The following CCDC192 variants were observed in gnomAD, a reference collection of about 807,000 sequenced individuals.
The protein encoded by CCDC192 is coiled-coil domain containing 192.
At chr5:127,818,653 C>T (rs1749141060) in intron 5 of CCDC192, among the ~76,000 whole-genome samples, 1 of 152,110 alleles carries the variant, frequency 6.6e-6, no homozygotes, top group East Asian at 1.9e-4. Context: ...GGAGACTGCT[C>T]CAAGAAGCCA....
At chr5:127,784,348 C>T (rs2126939857) in intron 3 of CCDC192, among the ~76,000 whole-genome samples, 1 of 152,300 alleles carries the variant, frequency 6.6e-6, no homozygotes, top group Admixed American at 6.5e-5. Context: ...AATGCAGTAG[C>T]ATGCAGCCTT....
intron 5 of CCDC192, among the ~76,000 whole-genome samples, chr5:127,811,906 T>C (rs1758104581): frequency 6.6e-6 from 1 of 152,180 alleles, no homozygotes; most frequent in South Asian, 2.1e-4. Flanking sequence ...CCCCAGTAAA[T>C]TGGATGAGTT....
chr5:127,863,132 A>C (rs555141646), intron 5 of CCDC192, among the ~76,000 whole-genome samples: 1 of 152,226 alleles, frequency 6.6e-6, no homozygotes, highest in Non-Finnish European at 1.5e-5. Flanking sequence ...AGAGAATGAA[A>C]TTTATAATTA....
intron 2 of CCDC192, among the ~76,000 whole-genome samples, chr5:127,736,333 G>A (rs1301751818): frequency 6.8e-6 from 1 of 146,564 alleles, no homozygotes; most frequent in African/African-American, 2.6e-5. Context: ...CGTTTTGCCA[G>A]TATTTTATTG....
intron 2 of CCDC192, among the ~76,000 whole-genome samples, chr5:127,737,366 G>C (rs1753082054): frequency 6.6e-6 from 1 of 152,014 alleles, no homozygotes; most frequent in Admixed American, 6.5e-5. Flanking sequence ...GGTCAGTTTT[G>C]GAATAGATGT....
intron 6 of CCDC192, among the ~76,000 whole-genome samples, chr5:127,902,778 C>A (rs932960479): frequency 6.6e-6 from 1 of 152,196 alleles, no homozygotes; most frequent in Non-Finnish European, 1.5e-5. Flanking sequence ...AACGATGACA[C>A]CAGTTACTCT....
intron 3 of CCDC192, chr5:127,785,060 A>T (rs1464132): frequency 0.77 from 388,863 of 501,984 alleles, 151,238 homozygotes; most frequent in East Asian, 0.9. Flanking sequence ...ATTTGAGTGC[A>T]ATCAGTCAGC....
intron 2 of CCDC192, among the ~76,000 whole-genome samples, chr5:127,739,366 G>T (rs1753253702): frequency 6.6e-6 from 1 of 152,160 alleles, no homozygotes; most frequent in Non-Finnish European, 1.5e-5. Context: ...GTCTGCAGAG[G>T]TTACTGCTGT....
intron 3 of CCDC192, among the ~76,000 whole-genome samples, chr5:127,769,165 G>T (rs1436637620): frequency 6.6e-6 from 1 of 152,164 alleles, no homozygotes; most frequent in African/African-American, 2.4e-5. Flanking sequence ...GAGATAAATA[G>T]GAAATTCACA....
At chr5:127,891,303 C>G (rs377196629) in intron 6 of CCDC192, among the ~76,000 whole-genome samples, 23 of 152,220 alleles carry the variant, frequency 1.5e-4, no homozygotes, top group African/African-American at 5.1e-4. Flanking sequence ...ATCCGCCTGC[C>G]TTGGCCTCCC....
intron 3 of CCDC192, among the ~76,000 whole-genome samples, chr5:127,783,875 C>T (rs1756385471): frequency 6.6e-6 from 1 of 152,140 alleles, no homozygotes. Flanking sequence ...GGCCTTTTAC[C>T]ATCATATAAT....
intron 3 of CCDC192, among the ~76,000 whole-genome samples, chr5:127,771,092 TAG>T (rs1160218727): frequency 1.3e-5 from 2 of 152,228 alleles, no homozygotes; most frequent in Non-Finnish European, 2.9e-5. Flanking sequence ...TATGATCTAA[TAG>T]AGTCTTTTTT....
Position 127,856,349 on chromosome 5 carries a change from C to T in CCDC192, c.412-19189C>T, listed in dbSNP as rs147662566. Among the ~76,000 whole-genome samples, 312 of 152,338 alleles carry T rather than the reference C, an allele frequency of 2.0e-3. 2 individuals carry two copies. The highest frequency in any genetic ancestry group is 3.5e-3 in the Non-Finnish European group (239 of 68,036). On this transcript the variant is annotated intron_variant, in intron 5 of 6. Coordinates refer to ENST00000514853, the MANE Select transcript of CCDC192 (RefSeq NM_001317938.2). ...TCTCAGCCTTCCTAGAATTGAAGAA[C>T]ATTAGGACCTTGCTTTGGATTAGAC...
intron 3 of CCDC192, among the ~76,000 whole-genome samples, chr5:127,783,448 T>A (rs375516172): frequency 8.8e-4 from 134 of 152,304 alleles, no homozygotes; most frequent in African/African-American, 2.9e-3. Flanking sequence ...TCTTTTGGAG[T>A]TGATTTTCAG....
At chr5:127,719,524 T>TATATAC (rs1561444898) in intron 2 of CCDC192, among the ~76,000 whole-genome samples, 1 of 88,218 alleles carries the variant, frequency 1.1e-5, no homozygotes, top group East Asian at 3.2e-4. Context: ...TATATATATA[T>TATATAC]ACACACATAC....
chr5:127,729,189 G>A (rs781145735), intron 2 of CCDC192, among the ~76,000 whole-genome samples: 42 of 152,036 alleles, frequency 2.8e-4, no homozygotes, highest in Non-Finnish European at 4.7e-4. Context: ...ATACAGGCAT[G>A]AGCCACTGAA....
At chr5:127,822,987 C>T (rs1002083038) in intron 5 of CCDC192, among the ~76,000 whole-genome samples, 3 of 152,138 alleles carry the variant, frequency 2.0e-5, no homozygotes, top group Admixed American at 6.5e-5. Context: ...CCAGGGCCCT[C>T]TCAACGCTCC....
intron 6 of CCDC192, among the ~76,000 whole-genome samples, chr5:127,921,504 C>G (rs1314981978): frequency 6.6e-6 from 1 of 152,122 alleles, no homozygotes; most frequent in Non-Finnish European, 1.5e-5. Context: ...GCTTAAATGT[C>G]AACATGTGCA....
At chr5:127,835,140 A>G (rs1391158259) in intron 5 of CCDC192, among the ~76,000 whole-genome samples, 3 of 151,040 alleles carry the variant, frequency 2.0e-5, no homozygotes, top group South Asian at 4.2e-4. Flanking sequence ...AGTTCTTTCT[A>G]TGTGGTTCTA....
Sources: allele counts gnomAD v4.1 joint callset (sites outside exome capture counted in the v4.1 genomes callset), GRCh38; gene constraint gnomAD v4.1.1; transcripts MANE v1.5; gene names NCBI Gene and HGNC (gene_info 2026-07-23, HGNC 2026-07-21).